The following BANK1 variants were observed in gnomAD, a reference collection of about 807,000 sequenced individuals.
The protein encoded by BANK1 is B cell scaffold protein with ankyrin repeats 1.
Under a neutral mutation model 94.5 loss-of-function variants are expected in BANK1, and 95 were observed. That is an observed-to-expected ratio of 1.00 (90% CI 0.85 to 1.19). The LOEUF is 1.19. BANK1 is among the 50% of genes most tolerant of loss of function. BANK1 has a pLI of 0.00. For synonymous variants in BANK1, 334 were observed against 308.4 expected (o/e 1.08, Z -0.87); for missense variants, 987 against 932.2 (o/e 1.06, Z -0.77).
intron 5 of BANK1, among the ~76,000 whole-genome samples, chr4:101,890,226 C>A (rs966903556): frequency 6.6e-6 from 1 of 151,892 alleles, no homozygotes; most frequent in African/African-American, 2.4e-5. Flanking sequence ...TTATTTTTTC[C>A]TGATTTTCTG....
chr4:102,073,588 G>A, intron 15 of BANK1, 96 bp from the exon 16 acceptor site: 1 of 1,101,752 alleles, frequency 9.1e-7, no homozygotes, highest in Non-Finnish European at 1.3e-6. Context: ...TTCCATGGCT[G>A]TGAAAGGCAA....
intron 5 of BANK1, among the ~76,000 whole-genome samples, chr4:101,877,356 T>C (rs1314122742): frequency 1.3e-5 from 2 of 152,174 alleles, no homozygotes; most frequent in Admixed American, 6.5e-5. Context: ...TTACTAGTAA[T>C]AGTAAGTACA....
intron 1 of BANK1, among the ~76,000 whole-genome samples, chr4:101,822,951 T>TC (rs1726230546): frequency 6.6e-6 from 1 of 152,152 alleles, no homozygotes; most frequent in African/African-American, 2.4e-5. Flanking sequence ...ATTGATGGTA[T>TC]TTAGGTTGAT....
intron 2 of BANK1, among the ~76,000 whole-genome samples, chr4:101,846,141 C>T (rs375455842): frequency 1.3e-5 from 2 of 151,994 alleles, no homozygotes; most frequent in African/African-American, 4.8e-5. Context: ...TTTATTGCCG[C>T]ACTGTTCACA....
chr4:102,047,573 C>G (rs1448093871), intron 11 of BANK1, among the ~76,000 whole-genome samples: 1 of 152,086 alleles, frequency 6.6e-6, no homozygotes, highest in Non-Finnish European at 1.5e-5. Context: ...ATTATTTCTA[C>G]CTGGCCTCCC....
intron 7 of BANK1, among the ~76,000 whole-genome samples, chr4:101,936,909 A>G (rs552505898): frequency 2.6e-5 from 4 of 151,684 alleles, no homozygotes; most frequent in Non-Finnish European, 5.9e-5. Flanking sequence ...AGGTTCTTCA[A>G]CAAACTAAAA....
At chr4:101,838,983 T>G (rs1726932304) in intron 2 of BANK1, among the ~76,000 whole-genome samples, 2 of 152,242 alleles carry the variant, frequency 1.3e-5, no homozygotes, top group Non-Finnish European at 1.5e-5. Context: ...TTTTTATATT[T>G]CACACAGGAA....
At chr4:101,814,684 T>A (rs768766500) in intron 1 of BANK1, among the ~76,000 whole-genome samples, 5 of 152,224 alleles carry the variant, frequency 3.3e-5, no homozygotes, top group Non-Finnish European at 5.9e-5. Flanking sequence ...CTTAATGACT[T>A]ACTATTGGTG....
intron 7 of BANK1, among the ~76,000 whole-genome samples, chr4:101,936,711 C>G (rs964459897): frequency 1.3e-5 from 2 of 151,408 alleles, no homozygotes; most frequent in African/African-American, 4.8e-5. Flanking sequence ...AAAAGTTGCT[C>G]AATATCATTG....
At chr4:101,798,238 G>A (rs756901274) in intron 1 of BANK1, among the ~76,000 whole-genome samples, 3 of 152,140 alleles carry the variant, frequency 2.0e-5, no homozygotes, top group Non-Finnish European at 4.4e-5. Flanking sequence ...AGGTGATGGA[G>A]GCCATGGAGA....
intron 6 of BANK1, among the ~76,000 whole-genome samples, chr4:101,899,961 T>C (rs1722219920): frequency 6.6e-6 from 1 of 152,210 alleles, no homozygotes; most frequent in African/African-American, 2.4e-5. Context: ...TTAGGAATGG[T>C]AAGCCCTTCT....
chr4:101,933,198 C>T (rs976791403), intron 7 of BANK1, among the ~76,000 whole-genome samples: 22 of 150,308 alleles, frequency 1.5e-4, no homozygotes, highest in African/African-American at 4.6e-4. Context: ...GGGATAGGAC[C>T]ATAGAAAGGG....
intron 2 of BANK1, among the ~76,000 whole-genome samples, chr4:101,854,777 T>A (rs538944017): frequency 7.2e-5 from 11 of 152,288 alleles, no homozygotes; most frequent in African/African-American, 2.4e-4. Context: ...CTGGATTCTA[T>A]TTTTTGGAAA....
intron 11 of BANK1, among the ~76,000 whole-genome samples, chr4:102,052,113 CTTTTTTT>C (rs199811166): frequency 1.9e-5 from 2 of 103,992 alleles, no homozygotes; most frequent in African/African-American, 4.1e-5. Flanking sequence ...TTCTTTTTTT[CTTTTTTT>C]TTTTTTTTTT....
chr4:101,837,122 T>G (rs576485347), intron 2 of BANK1, among the ~76,000 whole-genome samples: 13 of 152,350 alleles, frequency 8.5e-5, no homozygotes, highest in African/African-American at 3.1e-4. Context: ...AATCAAATAT[T>G]ATGTACAATT....
intron 1 of BANK1, among the ~76,000 whole-genome samples, chr4:101,821,110 C>G (rs1440257740): frequency 1.3e-5 from 2 of 152,180 alleles, no homozygotes; most frequent in African/African-American, 4.8e-5. Flanking sequence ...TCGCCAGCAT[C>G]TGTTATTTTT....
chr4:101,938,650 CA>C (rs1443315807), intron 7 of BANK1, among the ~76,000 whole-genome samples: 2 of 151,492 alleles, frequency 1.3e-5, no homozygotes, highest in African/African-American at 4.8e-5. Context: ...ACACATATAT[CA>C]AGCTTGAGTA....
In BANK1 at chr4:101,855,170, C is replaced by T; in HGVS notation, c.605C>T (p.Pro202Leu). The change falls in exon 3 of 17, where the codon CCC becomes CTC. Residue 202 changes from proline to leucine, a missense_variant. Pro to Leu is a moderately conservative substitution (Grantham distance 98). Coordinates refer to ENST00000322953, the MANE Select transcript of BANK1 (RefSeq NM_017935.5). ...RNTIPLAVVL[P>L]TEIPCENPGE... Reference sequence around the variant, plus strand: ...ACCATACCACTAGCAGTGGTGCTTCCCACTGAAATTCCATGTGAGGTCAGT... The same window carrying T: ...ACCATACCACTAGCAGTGGTGCTTCTCACTGAAATTCCATGTGAGGTCAGT... The T allele has an allele frequency of 6.2e-7, 1 of 1,613,004 alleles. No homozygotes were observed. Among genetic ancestry groups the T allele is most frequent in the East Asian group, 2.2e-5 (1 of 44,862 alleles).
intron 6 of BANK1, among the ~76,000 whole-genome samples, chr4:101,906,749 G>A (rs544774494): frequency 9.5e-4 from 144 of 152,136 alleles, no homozygotes; most frequent in Non-Finnish European, 5.1e-4. Flanking sequence ...TACTCACCAC[G>A]GGGATTGCTT....
Sources: allele counts gnomAD v4.1 joint callset (sites outside exome capture counted in the v4.1 genomes callset), GRCh38; gene constraint gnomAD v4.1.1; transcripts MANE v1.5; gene names NCBI Gene and HGNC (gene_info 2026-07-23, HGNC 2026-07-21).